The following TMEM175 variants were observed in gnomAD, a reference collection of about 807,000 sequenced individuals.
TMEM175 encodes the protein transmembrane protein 175.
A neutral mutation model predicts 36.5 loss-of-function variants in TMEM175; 36 were observed. The ratio of observed to expected loss-of-function variants is 0.99; its 90% CI spans 0.76 to 1.30. The LOEUF is 1.30. Among genes scored for constraint, TMEM175 ranks in the 50% most tolerant of loss-of-function variants. The probability of loss-of-function intolerance (pLI) is 0.00; values close to 1 mark genes in which losing one functional copy is unlikely to be tolerated. For missense variants in TMEM175, 705 were observed against 692.8 expected, an observed-to-expected ratio of 1.02 and a Z score of -0.20; for synonymous variants, 339 against 313.4, an observed-to-expected ratio of 1.08 and a Z score of -0.86.
At chr4:938,743 G>C (rs1042812877) in intron 1 of TMEM175, among the ~76,000 whole-genome samples, 3 of 152,152 alleles carry the variant, frequency 2.0e-5, no homozygotes, top group Admixed American at 6.5e-5. Flanking sequence ...AATTAGCTGA[G>C]AGAAATTAAA....
At chr4:949,333 T>G (rs1449853510) in intron 3 of TMEM175, among the ~76,000 whole-genome samples, 1 of 152,216 alleles carries the variant, frequency 6.6e-6, no homozygotes, top group Non-Finnish European at 1.5e-5. Context: ...CCCTGTCTTT[T>G]CTCTGTTGTC....
Position 958,493 on chromosome 4 carries a change from C to G in TMEM175, c.1512C>G (p.Cys504Trp), listed in dbSNP as rs1711564670. The G allele has an allele frequency of 3.9e-6, 6 of 1,520,754 alleles. No homozygotes were observed. In the East Asian group the frequency reaches 1.4e-4, roughly 36 times the overall value. 94.2% of individuals were successfully genotyped at this position (1,520,754 alleles called of 1,614,324 possible). Residue 504 changes from cysteine (C) to tryptophan (W), a missense_variant, in exon 11 of 11, where the codon TGC becomes TGG. Transcript: ENST00000264771. ...DPQSQLLPAPC is the reference protein window; with the variant it reads ...DPQSQLLPAPW ...AGTCCCAGCTCCTCCCTGCCCCCTG[C>G]TAGCAGCCACAGAGCCCACTCCCAG...
In TMEM175 at chr4:951,649, G is replaced by A. The variant is rs199957150; in HGVS notation, c.343-33G>A. 9.5e-5 allele frequency: 154 copies of A among 1,613,694 alleles called. 1 individual carries two copies. The South Asian group carries it at 1.4e-3, about 14-fold the overall frequency. On this transcript the variant is annotated intron_variant, in intron 5 of 10. Transcript: ENST00000264771. ...ATTCCCCTGCCCTTCTCCCCAGGCC[G>A]CATCATGGCTGTGATGCCCTCCCTC... is the stretch of plus-strand genomic sequence containing the variant.
intron 1 of TMEM175, among the ~76,000 whole-genome samples, chr4:934,253 T>C (rs1023724230): frequency 1.3e-5 from 2 of 152,168 alleles, no homozygotes; most frequent in African/African-American, 4.8e-5. Context: ...CCAACAGAGA[T>C]GGTGTACTAG....
intron 3 of TMEM175, 79 bp downstream of exon 3, chr4:948,233 G>A (rs777721093): frequency 6.2e-7 from 1 of 1,612,556 alleles, no homozygotes; most frequent in Non-Finnish European, 8.5e-7. Context: ...GGCACAGGGT[G>A]CTGACCCTGC....
At chr4:956,522 A>C in intron 10 of TMEM175, 1 of 1,184,886 alleles carries the variant, frequency 8.4e-7, no homozygotes, top group South Asian at 1.4e-5. Context: ...AGCTCACTGC[A>C]ACCTCCGCCT....
chr4:949,236 G>A (rs1389150664), intron 3 of TMEM175, among the ~76,000 whole-genome samples: 2 of 152,224 alleles, frequency 1.3e-5, no homozygotes, highest in East Asian at 3.8e-4. Context: ...GAAGGGCCCG[G>A]GTGGTTGAAA....
intron 10 of TMEM175, 85 bp from the exon 11 acceptor site, chr4:957,739 A>C: frequency 7.3e-7 from 1 of 1,362,888 alleles, no homozygotes; most frequent in Non-Finnish European, 1.0e-6. Context: ...AGATCCAGGC[A>C]GCCCTGACAG....
intron 3 of TMEM175, among the ~76,000 whole-genome samples, chr4:949,088 G>A (rs562224708): frequency 1.3e-5 from 2 of 152,176 alleles, no homozygotes; most frequent in South Asian, 2.1e-4. Flanking sequence ...GGAAAGCTGC[G>A]TCCCCACCGA....
chr4:950,318 C>T lies in TMEM175; in HGVS notation c.193-103C>T, dbSNP rs1050600006. ...ACAGGACCCACCCGAGGGTTTCGCC[C>T]TGCCCTGGGCCGAGGCCAGCCCCCC... On this transcript the variant is annotated intron_variant, in intron 3 of 10. Transcript: ENST00000264771. 3 of 956,898 alleles carry T rather than the reference C, an allele frequency of 3.1e-6. No homozygotes were observed. In the African/African-American group the frequency reaches 4.8e-5, roughly 15 times the overall value. 59.3% of individuals were successfully genotyped at this position (956,898 alleles called of 1,614,324 possible).
chr4:948,442 G>A lies in TMEM175; in HGVS notation c.192+288G>A, dbSNP rs757094315. 28 of 1,498,988 alleles carry A rather than the reference G, an allele frequency of 1.9e-5. No homozygotes were observed. The South Asian group carries it at 3.1e-4, about 17-fold the overall frequency. The allele number at this position is 1,498,988 out of a possible 1,614,324, so 92.9% of individuals were successfully genotyped here. ...AAGGCAGCACCCTGGAAGTGAGCCA[G>A]AGGACAGGTTGGAAGAGGAAGGTTC... On this transcript the variant is annotated intron_variant, in intron 3 of 10. Transcript: ENST00000264771.
At chr4:940,259 G>A (rs975658781) in intron 1 of TMEM175, among the ~76,000 whole-genome samples, 7 of 152,002 alleles carry the variant, frequency 4.6e-5, no homozygotes, top group African/African-American at 4.8e-5. Context: ...GACCAGCCTG[G>A]CCAACATGGT....
chr4:942,439 G>A (rs1463821652), intron 1 of TMEM175, among the ~76,000 whole-genome samples: 2 of 152,096 alleles, frequency 1.3e-5, no homozygotes, highest in Admixed American at 6.5e-5. Context: ...TTTTCCCATC[G>A]AGTGGTCTCG....
At chr4:946,095 T>C (rs7687129) in intron 1 of TMEM175, 108,309 of 152,142 alleles carry the variant, frequency 0.71, 38,907 homozygotes, top group South Asian at 0.85. Flanking sequence ...TGCCCTGACC[T>C]ACCTTCCTCA....
At chr4:956,807 C>T in intron 10 of TMEM175, 1 of 298,214 alleles carries the variant, frequency 3.4e-6, no homozygotes, top group Admixed American at 5.1e-5. Flanking sequence ...GTTCCCTCGT[C>T]ATAGTTCAGC....
rs528646378 is a variant in TMEM175 at position 957,312 on chromosome 4, C to A, written c.843-512C>A. Among the ~76,000 whole-genome samples the A allele has an allele frequency of 2.0e-5, 3 of 152,370 alleles. No homozygotes were observed. The South Asian group carries it at 6.2e-4, about 32-fold the overall frequency. On this transcript the variant is annotated intron_variant, in intron 10 of 10. Transcript: ENST00000264771. ...TCTGGGTGGTGCCGTCAGAAGGCAG[C>A]AGCCCTGACAAGGGGGTTCCCACAG...
At chr4:936,014 A>C (rs1168840357) in intron 1 of TMEM175, among the ~76,000 whole-genome samples, 1 of 152,228 alleles carries the variant, frequency 6.6e-6, no homozygotes, top group African/African-American at 2.4e-5. Context: ...AACAGTATTA[A>C]ATGTTAAGTC....
intron 1 of TMEM175, among the ~76,000 whole-genome samples, chr4:947,365 G>C (rs1229757557): frequency 2.6e-5 from 4 of 152,174 alleles, no homozygotes; most frequent in African/African-American, 9.7e-5. Context: ...GGCCCCGCAG[G>C]GTGCTGTGTT....
chr4:958,630 TATCATGCTCTTATTTCAG>T lies in TMEM175; in HGVS notation c.*135_*152del. ...GCCTGGTTTTATTTTCATTGTGAAATATCATGCTCTTATTTCAGTCCTCAAATTGTTCTCCACTTTTTG... is the reference window on the plus strand; with the variant it reads ...GCCTGGTTTTATTTTCATTGTGAAATTCCTCAAATTGTTCTCCACTTTTTG... On this transcript the variant is annotated 3_prime_UTR_variant, in exon 11 of 11. Transcript: ENST00000264771. The T allele has an allele frequency of 1.4e-6, 1 of 706,524 alleles. No individual in the cohort carries two copies. Among genetic ancestry groups the T allele is most frequent in the South Asian group, 2.0e-5 (1 of 50,830 alleles). The allele number at this position is 706,524 out of a possible 1,614,324, so 43.8% of individuals were successfully genotyped here. A position where few individuals can be genotyped will look rare whatever the true frequency, so the allele number is the denominator to read the frequency against.
Sources: gnomAD v4.1 joint callset for allele counts (sites outside exome capture counted in the v4.1 genomes callset) on GRCh38, gnomAD v4.1.1 for gene constraint, MANE v1.5 for transcripts, NCBI Gene and HGNC (gene_info 2026-07-23, HGNC 2026-07-21) for gene names.